PEX3: variants seen among roughly 807,000 people sequenced by gnomAD.
The protein encoded by PEX3 is peroxin-3.
PEX3 carries 30 observed loss-of-function variants against 55.8 expected under a neutral mutation model. The ratio of observed to expected loss-of-function variants is 0.54; its 90% confidence interval spans 0.40 to 0.73. PEX3 has a LOEUF of 0.73. PEX3 is among the 30% of genes least tolerant of loss of function. The pLI is 0.00. For missense variants in PEX3, 351 were observed against 432.8 expected, an observed-to-expected ratio of 0.81 and a Z score of 1.68; for synonymous variants, 135 against 148.4, an observed-to-expected ratio of 0.91 and a Z score of 0.66.
chr6:143,456,187 G>A (rs1320082833), intron 1 of PEX3, among the ~76,000 whole-genome samples: 1 of 152,194 alleles, frequency 6.6e-6, no homozygotes. Context: ...TTTAGACACA[G>A]AGGGAGGAAG....
At position 143,459,080 on chromosome 6, in the gene PEX3, T is replaced by C. The variant is rs1779884420; in HGVS notation, c.74-5T>C. On this transcript the variant is annotated splice_polypyrimidine_tract_variant and splice_region_variant and intron_variant, in intron 1 of 11. Transcript: ENST00000367591. The surrounding 1 kb of genome is among the most constrained non-coding windows in gnomAD (Gnocchi z 4.2). The stretch of plus-strand genomic sequence containing the variant: ...ATGAATATAGTACTTTTTTAATGAT[T>C]GTAGGAGTATATATTCTGGGGAAAT... 3.2e-6 allele frequency: 5 copies of C among 1,572,042 alleles called. No homozygotes were observed. The highest frequency in any genetic ancestry group is 1.4e-5 in the African/African-American group (1 of 74,066).
At position 143,476,538 on chromosome 6, in the gene PEX3, G is replaced by T. The variant is rs1476831305; in HGVS notation, c.818+1682G>T. Among the ~76,000 whole-genome samples, 1 of 152,212 alleles carries T rather than the reference G, an allele frequency of 6.6e-6. No individual in the cohort carries two copies. The highest frequency in any genetic ancestry group is 2.4e-5 in the African/African-American group (1 of 41,458). On this transcript the variant is annotated intron_variant, in intron 9 of 11. Coordinates refer to ENST00000367591, the MANE Select transcript of PEX3 (RefSeq NM_003630.3). The surrounding 1 kb of genome is among the most constrained non-coding windows in gnomAD (Gnocchi z 5.4). ...GAAGTAGTCTAATCAAGAGACAGTT[G>T]CAGTTTGAACTGGGTGGTAGCAGTG...
chr6:143,458,357 T>C lies in PEX3; in HGVS notation c.74-728T>C, dbSNP rs1172791021. On this transcript the variant is annotated intron_variant, in intron 1 of 11. Coordinates refer to ENST00000367591, the MANE Select transcript of PEX3 (RefSeq NM_003630.3). This position sits in a 1 kb window ranked among gnomAD's most constrained non-coding sequence, Gnocchi z 6.1. ...CCCTCTTCCCTCTTTTTTTTCCAGT[T>C]AAGTTACTAATTTTTAGATGAGAGA... Among the ~76,000 whole-genome samples, 1 of 152,196 alleles carries C rather than the reference T, an allele frequency of 6.6e-6. No homozygotes were observed. Among genetic ancestry groups the C allele is most frequent in the East Asian group, 1.9e-4 (1 of 5,196 alleles).
At chr6:143,478,059 T>A (rs750427567) in intron 9 of PEX3, among the ~76,000 whole-genome samples, 2 of 152,132 alleles carry the variant, frequency 1.3e-5, no homozygotes, top group Non-Finnish European at 2.9e-5. Flanking sequence ...TAAAATCTGA[T>A]GTATTCATAT....
Position 143,471,462 on chromosome 6 carries a change from T to C in PEX3, c.523+13T>C, listed in dbSNP as rs2128746721. The C allele has an allele frequency of 1.3e-6, 2 of 1,582,378 alleles. No individual in the cohort carries two copies. Among genetic ancestry groups the C allele is most frequent in the Admixed American group, 1.7e-5 (1 of 59,982 alleles). ...CTACTTGGAGATGGTAAGATTCTTA[T>C]TTGTGACTTTTATACTAATTTTAAT... On this transcript the variant is annotated intron_variant, in intron 6 of 11. Transcript: ENST00000367591. The surrounding 1 kb of genome is among the most constrained non-coding windows in gnomAD (Gnocchi z 5.4).
chr6:143,463,077 CTT>C lies in PEX3; in HGVS notation c.287+82_287+83del. 1.9e-6 allele frequency: 2 copies of C among 1,032,080 alleles called. No homozygotes were observed. Among genetic ancestry groups the C allele is most frequent in the South Asian group, 2.7e-5 (2 of 74,860 alleles). The allele number at this position is 1,032,080 out of a possible 1,614,324, so 63.9% of individuals were successfully genotyped here. A position where few individuals can be genotyped will look rare whatever the true frequency, so the allele number is the denominator to read the frequency against. On this transcript the variant is annotated intron_variant, in intron 3 of 11. Transcript: ENST00000367591. This position sits in a 1 kb window ranked among gnomAD's most constrained non-coding sequence, Gnocchi z 5.7. ...ATGAACTGATAGACTTTTCAAAAAT[CTT>C]TGTTATTTTTCTATCTAATGAAAGT...
rs1780339094 is a variant in PEX3 at position 143,487,683 on chromosome 6, CTGT to C, written c.1039-1457_1039-1455del. Among the ~76,000 whole-genome samples the C allele has an allele frequency of 6.6e-6, 1 of 151,816 alleles. No homozygotes were observed. ...GTGGACCTGTCTGCTACTGTTCATG[CTGT>C]TGAGCATTCAGCCTGCATTTTCTGA... On this transcript the variant is annotated intron_variant, in intron 11 of 11. Coordinates refer to ENST00000367591, the MANE Select transcript of PEX3 (RefSeq NM_003630.3). The surrounding 1 kb of genome is among the most constrained non-coding windows in gnomAD (Gnocchi z 5.3).
chr6:143,452,199 A>G (rs1779781596), intron 1 of PEX3, among the ~76,000 whole-genome samples: 1 of 152,200 alleles, frequency 6.6e-6, no homozygotes, highest in Admixed American at 6.5e-5. Flanking sequence ...TTTGAAACAG[A>G]GTTCTTGTTG....
At position 143,459,006 on chromosome 6, in the gene PEX3, A is replaced by T; in HGVS notation, c.74-79A>T. The T allele has an allele frequency of 1.1e-6, 1 of 937,724 alleles. No homozygotes were observed. The allele number at this position is 937,724 out of a possible 1,614,324, so 58.1% of individuals were successfully genotyped here. On this transcript the variant is annotated intron_variant, in intron 1 of 11. Coordinates refer to ENST00000367591, the MANE Select transcript of PEX3 (RefSeq NM_003630.3). The surrounding 1 kb of genome is among the most constrained non-coding windows in gnomAD (Gnocchi z 4.2). ...AGCTATCCACTAATATAAAACTTAT[A>T]ATTGCATAAAGTAGGTTAAAAATAC...
rs1451649436 is a variant in PEX3 at position 143,454,270 on chromosome 6, A to T, written c.73+3155A>T. Among the ~76,000 whole-genome samples the T allele has an allele frequency of 1.3e-5, 2 of 152,322 alleles. No homozygotes were observed. Among genetic ancestry groups the T allele is most frequent in the African/African-American group, 4.8e-5 (2 of 41,574 alleles). On this transcript the variant is annotated intron_variant, in intron 1 of 11. Coordinates refer to ENST00000367591, the MANE Select transcript of PEX3 (RefSeq NM_003630.3). This position sits in a 1 kb window ranked among gnomAD's most constrained non-coding sequence, Gnocchi z 4.3. ...TGAGAGAATGAGAATGAAAAAGGCA[A>T]ATAACATTTTAGTATTATTACGAAA...
chr6:143,469,254 G>A (rs1257623043), intron 4 of PEX3, among the ~76,000 whole-genome samples: 2 of 152,172 alleles, frequency 1.3e-5, no homozygotes, highest in East Asian at 3.9e-4. Flanking sequence ...TCACCACACT[G>A]TCTTCCACAA....
rs1780066442 is a variant in PEX3 at position 143,471,057 on chromosome 6, A to C, written c.428A>C (p.Asp143Ala). ...LNIIGGYIYL[D>A]NAAVGKNGTT... is the part of the protein sequence containing the mutation. ...ATAATTGGTGGATATATTTACCTGG[A>C]TAATGCAGCAGTTGGCAAAAATGGC... The change falls in exon 5 of 12, where the codon GAT (aspartate) becomes GCT (alanine). Residue 143 changes from aspartate to alanine, a missense_variant. Physicochemically the swap from Asp to Ala is moderately radical, Grantham distance 126. Coordinates refer to ENST00000367591, the MANE Select transcript of PEX3 (RefSeq NM_003630.3). This position sits in a 1 kb window ranked among gnomAD's most constrained non-coding sequence, Gnocchi z 5.4. The C allele has an allele frequency of 6.2e-7, 1 of 1,613,404 alleles. No homozygotes were observed. Among genetic ancestry groups the C allele is most frequent in the African/African-American group, 1.3e-5 (1 of 74,916 alleles).
rs1780253237 is a variant in PEX3, at chr6:143,482,335, A to G, written c.942-2817A>G. 1.3e-5 allele frequency among the ~76,000 whole-genome samples: 2 copies of G among 152,134 alleles called. No homozygotes were observed. The highest frequency in any genetic ancestry group is 2.4e-5 in the African/African-American group (1 of 41,446). ...CATGCTATCTTTAAAAATGATATCA[A>G]TTTTGAAAAGGGAGAAGAAAAAGCT... On this transcript the variant is annotated intron_variant, in intron 10 of 11. Coordinates refer to ENST00000367591, the MANE Select transcript of PEX3 (RefSeq NM_003630.3). This position sits in a 1 kb window ranked among gnomAD's most constrained non-coding sequence, Gnocchi z 5.5.
intron 1 of PEX3, among the ~76,000 whole-genome samples, chr6:143,457,653 G>A (rs1779865501): frequency 6.6e-6 from 1 of 152,292 alleles, no homozygotes; most frequent in East Asian, 1.9e-4. Flanking sequence ...ACAGTGGGAG[G>A]TAGGTGAGCA....
intron 3 of PEX3, 78 bp from the exon 4 acceptor site, chr6:143,468,044 A>G: frequency 1.2e-6 from 1 of 803,192 alleles, no homozygotes; most frequent in Non-Finnish European, 2.0e-6. Context: ...AAAAAGTAAA[A>G]ATAGATCTAT....
In PEX3 at chr6:143,451,688, C is replaced by T. The variant is rs1779767844; in HGVS notation, c.73+573C>T. Among the ~76,000 whole-genome samples, 1 of 152,154 alleles carries T rather than the reference C, an allele frequency of 6.6e-6. No individual in the cohort carries two copies. The highest frequency in any genetic ancestry group is 6.5e-5 in the Admixed American group (1 of 15,276). On this transcript the variant is annotated intron_variant, in intron 1 of 11. Transcript: ENST00000367591. This position sits in a 1 kb window ranked among gnomAD's most constrained non-coding sequence, Gnocchi z 4.1. ...TGCCATTTTAGAATACAAACTATGG[C>T]AGTAAGAAAAATGCTTGAGGGATGT...
rs1187998740 is a variant in PEX3 at position 143,488,362 on chromosome 6, A to C, written c.1039-781A>C. ...CATACAATAAAATACATAATATTAT[A>C]AAGGAAACCAATCATATATAGTTTT... On this transcript the variant is annotated intron_variant, in intron 11 of 11. Transcript: ENST00000367591. This position sits in a 1 kb window ranked among gnomAD's most constrained non-coding sequence, Gnocchi z 4.9. Among the ~76,000 whole-genome samples, 1 of 152,136 alleles carries C rather than the reference A, an allele frequency of 6.6e-6. No individual in the cohort carries two copies. Among genetic ancestry groups the C allele is most frequent in the African/African-American group, 2.4e-5 (1 of 41,452 alleles).
At chr6:143,467,889 T>C (rs375116092) in intron 3 of PEX3, among the ~76,000 whole-genome samples, 1 of 152,196 alleles carries the variant, frequency 6.6e-6, no homozygotes, top group East Asian at 1.9e-4. Context: ...AATCTATCTA[T>C]ACATAACACT....
chr6:143,472,964 T>A (rs1275821735), intron 8 of PEX3, among the ~76,000 whole-genome samples: 1 of 152,244 alleles, frequency 6.6e-6, no homozygotes, highest in Non-Finnish European at 1.5e-5. Context: ...TATTCATTGA[T>A]TAAAAATAAT....
Sources: allele counts gnomAD v4.1 joint callset (sites outside exome capture counted in the v4.1 genomes callset), GRCh38; gene constraint gnomAD v4.1.1; non-coding constraint Gnocchi (gnomAD v3.1); transcripts MANE v1.5; gene names NCBI Gene and HGNC (gene_info 2026-07-23, HGNC 2026-07-21).